Variants in SYNPO observed in about 807,000 individuals in gnomAD.
SYNPO encodes synaptopodin.
A neutral mutation model predicts 49.5 loss-of-function variants in SYNPO; 19 were observed. That is an observed-to-expected ratio of 0.38 (90% CI 0.27 to 0.56). SYNPO has a LOEUF of 0.56. Among genes scored for constraint, SYNPO ranks in the 20% least tolerant of loss-of-function variants. The pLI, the probability that SYNPO is intolerant of heterozygous loss-of-function variation, is 0.68. For synonymous variants in SYNPO, 536 were observed against 548.0 expected (o/e 0.98, Z 0.31); for missense variants, 1,131 against 1,248.3 (o/e 0.91, Z 1.42).
In SYNPO at chr5:150,649,066, A is replaced by C; in HGVS notation, c.791A>C (p.His264Pro). The change falls in exon 2 of 3, where the codon CAT becomes CCT. Residue 264 changes from histidine to proline, a missense_variant. Physicochemically the swap from His to Pro is moderately conservative, Grantham distance 77 (BLOSUM62 -2). This residue lies in a region of SYNPO where 602 missense variants were observed against 720.7 expected (regional missense o/e 0.84). Transcript: ENST00000307662. The stretch of plus-strand genomic sequence containing the variant: ...AGGAGCCCCATGCTAGAGAGACGAC[A>C]TTTTGGGGAGAAGGCCCCGGCTCCC... ...MERSPMLERR[H>P]FGEKAPAPQP... 6.2e-7 allele frequency: 1 copy of C among 1,613,916 alleles called. No individual in the cohort carries two copies. Among genetic ancestry groups the C allele is most frequent in the Non-Finnish European group, 8.5e-7 (1 of 1,179,864 alleles).
chr5:150,603,821 T>C (rs1756616572), intron 1 of SYNPO, among the ~76,000 whole-genome samples: 2 of 152,202 alleles, frequency 1.3e-5, no homozygotes, highest in Admixed American at 1.3e-4. Context: ...CCACCTCTCC[T>C]CTGGCCCCAG....
intron 1 of SYNPO, among the ~76,000 whole-genome samples, chr5:150,601,978 C>G (rs78697551): frequency 0.029 from 4,356 of 151,580 alleles, 81 homozygotes; most frequent in Non-Finnish European, 0.047. Flanking sequence ...TCGGCATCAC[C>G]ACTGTAGCCC....
chr5:150,620,057 C>T lies in SYNPO; in HGVS notation c.400+1290C>T, dbSNP rs545392839. 7.2e-5 allele frequency among the ~76,000 whole-genome samples: 11 copies of T among 152,368 alleles called. 1 individual carries two copies. The South Asian group carries it at 2.1e-3, about 29-fold the overall frequency. ...CTCCCATCCCTCTCACGGGCCCAGG[C>T]TGGGGTCAGGAGACATAGATGCTTT... On this transcript the variant is annotated intron_variant, in intron 2 of 2. Coordinates refer to the SYNPO transcript ENST00000394243.
Position 150,649,129 on chromosome 5 carries a change from A to G in SYNPO, c.854A>G (p.Gln285Arg), listed in dbSNP as rs1193089951. 1 of 1,614,080 alleles carries G rather than the reference A, an allele frequency of 6.2e-7. No homozygotes were observed. ...PSLPDRSPRP[Q>R]RHIMSRSPMV... ...TTGCCAGACAGGAGCCCCCGGCCAC[A>G]GAGACACATAATGTCCCGCAGCCCC... Residue 285 changes from glutamine to arginine, a missense_variant, in exon 2 of 3, where the codon CAG becomes CGG. Transcript: ENST00000307662.
At chr5:150,602,389 T>A (rs1470208859) in intron 1 of SYNPO, among the ~76,000 whole-genome samples, 2 of 152,200 alleles carry the variant, frequency 1.3e-5, no homozygotes, top group Non-Finnish European at 2.9e-5. Context: ...CATGAGACGG[T>A]GCCATGTAGA....
the SYNPO span, among the ~76,000 whole-genome samples, chr5:150,594,459 C>T: frequency 6.6e-6 from 1 of 152,188 alleles, no homozygotes; most frequent in East Asian, 1.9e-4. Context: ...TCCCCACAAC[C>T]TACCAACAGG....
chr5:150,628,640 G>C (rs1368672621), intron 2 of SYNPO, among the ~76,000 whole-genome samples: 1 of 152,250 alleles, frequency 6.6e-6, no homozygotes, highest in African/African-American at 2.4e-5. Context: ...CAGGTGTGGT[G>C]GCTCACGCCT....
chr5:150,631,646 G>A lies in SYNPO; in HGVS notation c.400+12879G>A, dbSNP rs534483807. ...AGAGGAGCATGCTGGTGCTGATCTA[G>A]GAGGTGGGTCTTTGCTCCTTTCCTT... On this transcript the variant is annotated intron_variant, in intron 2 of 2. Coordinates refer to the SYNPO transcript ENST00000394243. 1.2e-4 allele frequency among the ~76,000 whole-genome samples: 18 copies of A among 152,276 alleles called. No homozygotes were observed. The East Asian group carries it at 3.3e-3, about 28-fold the overall frequency.
At chr5:150,610,372 C>T (rs1236507517) in intron 1 of SYNPO, among the ~76,000 whole-genome samples, 1 of 152,218 alleles carries the variant, frequency 6.6e-6, no homozygotes, top group Non-Finnish European at 1.5e-5. Flanking sequence ...CCAGTGACCA[C>T]GCCAGGCCAC....
At position 150,658,877 on chromosome 5, in the gene SYNPO, G is replaced by A. The variant is rs573084094; in HGVS notation, c.*1790G>A. ...GAGAAGGTGCTCTTACTCAGTTAAT[G>A]ATGAGTGACTATATTTACCAAAGCC... On this transcript the variant is annotated 3_prime_UTR_variant, in exon 3 of 3. Coordinates refer to ENST00000307662, the MANE Select transcript of SYNPO (RefSeq NM_007286.6). 6.6e-6 allele frequency: 1 copy of A among 152,378 alleles called. No homozygotes were observed. The highest frequency in any genetic ancestry group is 2.4e-5 in the African/African-American group (1 of 41,498). The allele number at this position is 152,378 out of a possible 1,614,324, so 9.4% of individuals were successfully genotyped here. A position where few individuals can be genotyped will look rare whatever the true frequency, so the allele number is the denominator to read the frequency against.
At chr5:150,602,211 C>T (rs979851865) in intron 1 of SYNPO, among the ~76,000 whole-genome samples, 1 of 152,182 alleles carries the variant, frequency 6.6e-6, no homozygotes, top group Non-Finnish European at 1.5e-5. Context: ...AAGGAATGAG[C>T]CTTACTGGGC....
intron 1 of SYNPO, among the ~76,000 whole-genome samples, chr5:150,608,868 C>T (rs1207014734): frequency 1.3e-5 from 2 of 152,218 alleles, no homozygotes; most frequent in Admixed American, 1.3e-4. Context: ...CCCTTAGGGG[C>T]ACCAGCTCCG....
At chr5:150,627,149 G>A (rs960296946) in intron 2 of SYNPO, among the ~76,000 whole-genome samples, 1 of 152,284 alleles carries the variant, frequency 6.6e-6, no homozygotes, top group South Asian at 2.1e-4. Context: ...TGAGCTCATC[G>A]GAGCTGCTGG....
chr5:150,656,869 C>A lies in SYNPO; in HGVS notation c.2494C>A (p.Pro832Thr), dbSNP rs759192687. ...PIPRSPLPAG[P>T]SSCTSPRSPL... Reference sequence around the variant, plus strand: ...CCCGCGGAGCCCGTTGCCCGCCGGTCCTTCGTCCTGCACCAGTCCCCGGAG... The same window carrying A: ...CCCGCGGAGCCCGTTGCCCGCCGGTACTTCGTCCTGCACCAGTCCCCGGAG... The change falls in exon 3 of 3, where the codon CCT becomes ACT. Residue 832 changes from proline to threonine, a missense_variant. Physicochemically the swap from Pro to Thr is conservative, Grantham distance 38. Coordinates refer to ENST00000307662, the MANE Select transcript of SYNPO (RefSeq NM_007286.6). 1.9e-6 allele frequency: 3 copies of A among 1,573,102 alleles called. No individual in the cohort carries two copies. In the South Asian group the frequency reaches 3.5e-5, roughly 18 times the overall value.
chr5:150,636,061 G>GTATT (rs1264955272), upstream of SYNPO, among the ~76,000 whole-genome samples: 6 of 152,046 alleles, frequency 3.9e-5, no homozygotes, highest in Admixed American at 3.9e-4. Context: ...ACTTACTTGT[G>GTATT]TATTTATTAT....
intron 1 of SYNPO, among the ~76,000 whole-genome samples, chr5:150,608,873 G>A (rs1756766202): frequency 6.6e-6 from 1 of 152,224 alleles, no homozygotes; most frequent in Admixed American, 6.5e-5. Flanking sequence ...AGGGGCACCA[G>A]CTCCGGTAGC....
chr5:150,588,178 C>G, the SYNPO span, among the ~76,000 whole-genome samples: 1 of 152,170 alleles, frequency 6.6e-6, no homozygotes, highest in Non-Finnish European at 1.5e-5. Flanking sequence ...ACCCTGGGAG[C>G]TTCTGGGACC....
At chr5:150,599,205 G>T (rs1277820895), upstream of SYNPO, among the ~76,000 whole-genome samples, 2 of 152,350 alleles carry the variant, frequency 1.3e-5, no homozygotes, top group South Asian at 4.1e-4. Flanking sequence ...TTAATATCAC[G>T]TGATGCTCAC....
intron 2 of SYNPO, among the ~76,000 whole-genome samples, chr5:150,629,934 G>T (rs1757483314): frequency 1.3e-5 from 2 of 152,186 alleles, no homozygotes; most frequent in African/African-American, 4.8e-5. Context: ...TCGCAACATG[G>T]TCTCTCCCAC....
Sources: gnomAD v4.1 joint callset for allele counts (sites outside exome capture counted in the v4.1 genomes callset) on GRCh38, gnomAD v4.1.1 for gene constraint, gnomAD v4.1.1 regional missense constraint, MANE v1.5 for transcripts, NCBI Gene and HGNC (gene_info 2026-07-23, HGNC 2026-07-21) for gene names.